Variants in ZSCAN18 observed in about 807,000 individuals in gnomAD.
ZSCAN18 encodes zinc finger and SCAN domain-containing protein 18.
A neutral mutation model predicts 31.1 loss-of-function variants in ZSCAN18; 16 were observed. The ratio of observed to expected loss-of-function variants is 0.51; its 90% CI spans 0.35 to 0.78. The LOEUF is 0.78. Among genes scored for constraint, ZSCAN18 ranks in the 30% least tolerant of loss-of-function variants. The pLI, the probability that ZSCAN18 is intolerant of heterozygous loss-of-function variation, is 0.01. For missense variants in ZSCAN18, 731 were observed against 697.4 expected, an observed-to-expected ratio of 1.05 and a Z score of -0.54; for synonymous variants, 375 against 320.7, an observed-to-expected ratio of 1.17 and a Z score of -1.81.
At chr19:58,096,594 G>T (rs77335130) in intron 1 of ZSCAN18, among the ~76,000 whole-genome samples, 108 of 152,300 alleles carry the variant, frequency 7.1e-4, no homozygotes, top group South Asian at 1.2e-3. Flanking sequence ...GCTCAAGCCT[G>T]GTTTGGCCCT....
intron 1 of ZSCAN18, among the ~76,000 whole-genome samples, chr19:58,091,218 A>T (rs1452428880): frequency 6.7e-6 from 1 of 149,366 alleles, no homozygotes; most frequent in Admixed American, 6.8e-5. Flanking sequence ...CAGTAAGCCG[A>T]GACTGCGTCA....
At chr19:58,094,131 G>A (rs2074472337) in intron 1 of ZSCAN18, among the ~76,000 whole-genome samples, 1 of 151,656 alleles carries the variant, frequency 6.6e-6, no homozygotes, top group African/African-American at 2.4e-5. Flanking sequence ...CTTTCCCTTG[G>A]GATTAGAAAT....
intron 1 of ZSCAN18, among the ~76,000 whole-genome samples, chr19:58,114,126 G>A (rs111368988): frequency 0.02 from 2,969 of 152,038 alleles, 84 homozygotes; most frequent in African/African-American, 0.065. Flanking sequence ...AAATTAGCAC[G>A]GCATGGTGGC....
Position 58,085,137 on chromosome 19 carries a change from C to T in ZSCAN18, c.1081G>A (p.Asp361Asn), listed in dbSNP as rs1209016050. Residue 361 changes from aspartate to asparagine, a missense_variant, in exon 7 of 7, where the codon GAC becomes AAC. Physicochemically the swap from Asp to Asn is conservative, Grantham distance 23. Around this residue, in one of 4 missense-constraint regions of ZSCAN18, gnomAD observed 597 missense variants for 499.5 expected, o/e 1.20. Coordinates refer to ENST00000601144, the MANE Select transcript of ZSCAN18 (RefSeq NM_001145543.2). ...GTTCCCAGTTTCGCCGTGCCCCTGT[C>T]CGGGGCAGGCTGCTGGATGACGGAC... ...RQSVIQQPAP[D>N]RGTAKLGTKR... is the part of the protein sequence containing the mutation. The T allele has an allele frequency of 1.2e-6, 2 of 1,610,274 alleles. No individual in the cohort carries two copies. Among genetic ancestry groups the T allele is most frequent in the South Asian group, 1.1e-5 (1 of 90,736 alleles).
upstream of ZSCAN18, among the ~76,000 whole-genome samples, chr19:58,101,299 A>ATTTTTTT (rs71188078): frequency 1.1e-3 from 124 of 108,310 alleles, no homozygotes; most frequent in Non-Finnish European, 1.4e-3. Context: ...TGCCCAGCTA[A>ATTTTTTT]TTTTTTTTTT....
intron 1 of ZSCAN18, among the ~76,000 whole-genome samples, chr19:58,110,365 A>G (rs1021851979): frequency 6.6e-6 from 1 of 151,916 alleles, no homozygotes; most frequent in African/African-American, 2.4e-5. Flanking sequence ...GCCCCTCTGA[A>G]TCCAGACATG....
rs770886654 is a variant in ZSCAN18 at position 58,088,676 on chromosome 19, C to G, written c.553+12G>C. On this transcript the variant is annotated intron_variant, in intron 3 of 6. Coordinates refer to ENST00000601144, the MANE Select transcript of ZSCAN18 (RefSeq NM_001145543.2). ...GGCCCAGCAGAGGCTGCCAGGCTAG[C>G]TGGGCACTCACGTGTCTCAGAAGGT... The G allele has an allele frequency of 1.2e-6, 2 of 1,605,748 alleles. No homozygotes were observed. The highest frequency in any genetic ancestry group is 2.2e-5 in the South Asian group (2 of 90,986).
At position 58,086,210 on chromosome 19, in the gene ZSCAN18, A is replaced by C. The variant is rs770394894; in HGVS notation, c.802T>G (p.Leu268Val). The C allele has an allele frequency of 3.7e-6, 6 of 1,613,884 alleles. No homozygotes were observed. Among genetic ancestry groups the C allele is most frequent in the Non-Finnish European group, 4.2e-6 (5 of 1,179,880 alleles). ...CTTCCTTGTGGATCTCTTTCCACCA[A>C]CCGGAGTTCCTCAGTGTCCAGCCTG... Reference protein sequence around the residue: ...ASRLDTEELRLVERDPQGSSL... With the variant: ...ASRLDTEELRVVERDPQGSSL... Residue 268 changes from leucine to valine, a missense_variant, in exon 6 of 7, where the codon TTG becomes GTG. Leu to Val is a conservative substitution (Grantham distance 32). Transcript: ENST00000601144.
Position 58,090,497 on chromosome 19 carries a change from A to G in ZSCAN18, c.-119-111T>C. The G allele has an allele frequency of 9.6e-7, 1 of 1,041,094 alleles. No homozygotes were observed. The allele number at this position is 1,041,094 out of a possible 1,614,324, so 64.5% of individuals were successfully genotyped here. On this transcript the variant is annotated intron_variant, in intron 1 of 6. Coordinates refer to ENST00000601144, the MANE Select transcript of ZSCAN18 (RefSeq NM_001145543.2). The surrounding 1 kb of genome is among the most constrained non-coding windows in gnomAD (Gnocchi z 4.7). ...CAGAGTTCACACAGATTTCCAAGAA[A>G]CCCGCTTGTTAGGCATCAGTAGAAC...
chr19:58,117,592 G>A (rs367824369), intron 1 of ZSCAN18, among the ~76,000 whole-genome samples: 1 of 152,070 alleles, frequency 6.6e-6, no homozygotes, highest in East Asian at 1.9e-4. Context: ...GACACGGGAA[G>A]CAGAATAGGT....
chr19:58,116,672 T>C (rs1469148745), intron 1 of ZSCAN18, among the ~76,000 whole-genome samples: 1 of 152,088 alleles, frequency 6.6e-6, no homozygotes, highest in Non-Finnish European at 1.5e-5. Context: ...TCCATCATCA[T>C]CACCTGCAAC....
At chr19:58,108,036 G>A (rs2074650080) in intron 1 of ZSCAN18, 2 of 1,014,744 alleles carry the variant, frequency 2.0e-6, no homozygotes, top group South Asian at 4.5e-5. Flanking sequence ...GAATCCTCTT[G>A]TGCCTGATGA....
Position 58,090,483 on chromosome 19 carries a change from C to T in ZSCAN18, c.-119-97G>A. Reference sequence around the variant, plus strand: ...AAAGACACCACACCCAGAGTTCACACAGATTTCCAAGAAACCCGCTTGTTA... The same window carrying T: ...AAAGACACCACACCCAGAGTTCACATAGATTTCCAAGAAACCCGCTTGTTA... On this transcript the variant is annotated intron_variant, in intron 1 of 6. Transcript: ENST00000601144. The surrounding 1 kb of genome is among the most constrained non-coding windows in gnomAD (Gnocchi z 4.7). The T allele has an allele frequency of 8.3e-7, 1 of 1,209,176 alleles. No homozygotes were observed. The allele number at this position is 1,209,176 out of a possible 1,614,324, so 74.9% of individuals were successfully genotyped here.
Position 58,089,998 on chromosome 19 carries a change from C to T in ZSCAN18, c.270G>A (p.Glu90=), listed in dbSNP as rs1321420166. ...CCAGGAACTGCTCCAGCACCAGCAG[C>T]TCCAGCATCTGCTCCTTGGAGCGCG... ...PEARSKEQML[E]LLVLEQFLGI... Residue 90 remains glutamate (E), a synonymous_variant, in exon 2 of 7, where the codon GAG becomes GAA. Transcript: ENST00000601144. The T allele has an allele frequency of 1.9e-6, 3 of 1,613,996 alleles. No homozygotes were observed. The highest frequency in any genetic ancestry group is 1.7e-6 in the Non-Finnish European group (2 of 1,180,062).
chr19:58,089,915 T>A lies in ZSCAN18; in HGVS notation c.353A>T (p.Lys118Met). 6.2e-7 allele frequency: 1 copy of A among 1,613,792 alleles called. No homozygotes were observed. The highest frequency in any genetic ancestry group is 8.5e-7 in the Non-Finnish European group (1 of 1,179,758). The change falls in exon 2 of 7, where the codon AAG (lysine) becomes ATG (methionine). Residue 118 changes from lysine to methionine, a missense_variant. By Grantham distance (95) the Lys-to-Met change is moderately conservative. Transcript: ENST00000601144. ...WVVAQYPESC[K>M]KAASLVEGLA... ...GCCCTCCACCAGGGAGGCTGCCTTC[T>A]TGCAGCTCTCAGGGTACTGTGCCAC...
chr19:58,092,581 A>G, intron 1 of ZSCAN18: 1 of 506,360 alleles, frequency 2.0e-6, no homozygotes, highest in Non-Finnish European at 2.5e-6. Flanking sequence ...GTCTCAAAAA[A>G]AAAAAAAAAA....
At chr19:58,112,641 A>ACT (rs34742821) in intron 1 of ZSCAN18, among the ~76,000 whole-genome samples, 114,034 of 149,336 alleles carry the variant, frequency 0.76, 44,026 homozygotes, top group Non-Finnish European at 0.85. Context: ...ACAGAGCAAG[A>ACT]CTGTCTCAAA....
rs772990630 is a variant in ZSCAN18, at chr19:58,087,346, G to A, written c.612C>T (p.Thr204=). The change falls in exon 4 of 7, where the codon ACC becomes ACT. Residue 204 remains threonine, a synonymous_variant. Transcript: ENST00000601144. The stretch of plus-strand genomic sequence containing the variant: ...CGGTGTTGGCAGGGCCGTCCTCTTC[G>A]GTCTTTGCTTCTCTGACCCTCCTCT... The part of the protein sequence containing the change: ...LEQRRVREAK[T]EEDGPANTEQ... 14 of 1,607,440 alleles carry A rather than the reference G, an allele frequency of 8.7e-6. No homozygotes were observed. Among genetic ancestry groups the A allele is most frequent in the Admixed American group, 5.1e-5 (3 of 59,286 alleles).
chr19:58,113,563 G>C (rs954082034), intron 1 of ZSCAN18, among the ~76,000 whole-genome samples: 1 of 152,138 alleles, frequency 6.6e-6, no homozygotes, highest in Non-Finnish European at 1.5e-5. Context: ...ACCTTATTTA[G>C]GAACAGGGGA....
Sources: allele counts gnomAD v4.1 joint callset (sites outside exome capture counted in the v4.1 genomes callset), GRCh38; gene constraint gnomAD v4.1.1; regional missense constraint gnomAD v4.1.1; non-coding constraint Gnocchi (gnomAD v3.1); transcripts MANE v1.5; gene names NCBI Gene and HGNC (gene_info 2026-07-23, HGNC 2026-07-21).